Variants in ELAPOR2 observed in about 807,000 individuals in gnomAD.
ELAPOR2 encodes endosome-lysosome associated apoptosis and autophagy regulator family member 2.
In ELAPOR2, 89 loss-of-function variants were observed where a neutral mutation model predicts 120.7. That is an observed-to-expected ratio of 0.74 (90% CI 0.62 to 0.88). The LOEUF (loss-of-function observed/expected upper bound fraction) is 0.88. Ranked by LOEUF, ELAPOR2 falls within the 40% of genes least tolerant of loss-of-function variation. ELAPOR2 has a pLI of 0.00. For synonymous variants in ELAPOR2, 444 were observed against 444.9 expected (o/e 1.00, Z 0.03); for missense variants, 1,134 against 1,251.6 (o/e 0.91, Z 1.42).
At chr7:87,059,105 G>T (rs1795352470) in intron 1 of ELAPOR2, among the ~76,000 whole-genome samples, 1 of 151,708 alleles carries the variant, frequency 6.6e-6, no homozygotes, top group Non-Finnish European at 1.5e-5. Context: ...AGACACAAGC[G>T]CGGACAGAAA....
At chr7:86,900,808 C>T (rs886913675) in intron 18 of ELAPOR2, among the ~76,000 whole-genome samples, 2 of 152,040 alleles carry the variant, frequency 1.3e-5, no homozygotes, top group African/African-American at 2.4e-5. Context: ...ATAATTTGAA[C>T]AGCACTTATT....
rs1447333554 is a variant in ELAPOR2, at chr7:86,907,775, T to C, written c.2457-4A>G. On this transcript the variant is annotated splice_region_variant and splice_polypyrimidine_tract_variant and intron_variant, in intron 17 of 21. Coordinates refer to ENST00000450689, the MANE Select transcript of ELAPOR2 (RefSeq NM_001142749.3). Reference sequence around the variant, plus strand: ...AGATGTTGTTGCTGTAGAAGACCTATTGTAAGCCAAATAACATTTTTAAAA... The same window carrying C: ...AGATGTTGTTGCTGTAGAAGACCTACTGTAAGCCAAATAACATTTTTAAAA... The C allele has an allele frequency of 6.6e-7, 1 of 1,518,438 alleles. No individual in the cohort carries two copies. The highest frequency in any genetic ancestry group is 8.8e-7 in the Non-Finnish European group (1 of 1,135,738). The allele number at this position is 1,518,438 out of a possible 1,614,324, so 94.1% of individuals were successfully genotyped here.
At chr7:86,881,353 C>T (rs566811555) in intron 21 of ELAPOR2, among the ~76,000 whole-genome samples, 6 of 150,538 alleles carry the variant, frequency 4.0e-5, no homozygotes, top group Non-Finnish European at 4.4e-5. Flanking sequence ...CGAGCAAGCA[C>T]GCCCTTTTTT....
intron 1 of ELAPOR2, among the ~76,000 whole-genome samples, chr7:86,967,195 C>G (rs1352533854): frequency 6.6e-6 from 1 of 152,162 alleles, no homozygotes; most frequent in Non-Finnish European, 1.5e-5. Context: ...AGCTGTGCCT[C>G]AGCCCTGTAA....
intron 1 of ELAPOR2, among the ~76,000 whole-genome samples, chr7:87,031,590 A>C (rs575657293): frequency 6.6e-6 from 1 of 152,326 alleles, no homozygotes; most frequent in South Asian, 2.1e-4. Flanking sequence ...ATACTGAATG[A>C]AACAAAGAAT....
At chr7:86,961,078 A>G (rs1299229512) in intron 2 of ELAPOR2, among the ~76,000 whole-genome samples, 1 of 152,188 alleles carries the variant, frequency 6.6e-6, no homozygotes, top group East Asian at 1.9e-4. Context: ...ATACACACAT[A>G]TATACAACAG....
chr7:87,057,790 C>T (rs186334567), intron 1 of ELAPOR2, among the ~76,000 whole-genome samples: 14 of 152,318 alleles, frequency 9.2e-5, no homozygotes, highest in African/African-American at 3.1e-4. Flanking sequence ...CCCTGACCTT[C>T]GCCTACTTCA....
chr7:86,934,673 C>T (rs1409304126), intron 8 of ELAPOR2, among the ~76,000 whole-genome samples: 2 of 151,980 alleles, frequency 1.3e-5, no homozygotes, highest in Non-Finnish European at 1.5e-5. Context: ...AAACTTTTAC[C>T]CAACCCCAAG....
intron 1 of ELAPOR2, among the ~76,000 whole-genome samples, chr7:87,053,933 G>A (rs544482235): frequency 1.8e-3 from 272 of 152,128 alleles, no homozygotes; most frequent in Non-Finnish European, 3.3e-3. Context: ...GAAATTTTCC[G>A]TCACTGTACT....
At chr7:87,039,778 G>A (rs762509815) in intron 1 of ELAPOR2, among the ~76,000 whole-genome samples, 7 of 152,184 alleles carry the variant, frequency 4.6e-5, no homozygotes, top group African/African-American at 7.2e-5. Context: ...CAAGATGGCC[G>A]AATAGGAACA....
At chr7:86,888,228 A>G (rs925243479) in intron 21 of ELAPOR2, among the ~76,000 whole-genome samples, 1 of 152,070 alleles carries the variant, frequency 6.6e-6, no homozygotes, top group Non-Finnish European at 1.5e-5. Context: ...TGTTTCTATA[A>G]AATGCCTTTA....
intron 1 of ELAPOR2, among the ~76,000 whole-genome samples, chr7:87,026,931 A>C (rs1794262254): frequency 1.3e-5 from 2 of 152,124 alleles, no homozygotes; most frequent in Admixed American, 1.3e-4. Context: ...AATTAGCTGA[A>C]AACATTTACT....
chr7:86,897,443 T>C, intron 19 of ELAPOR2, 63 bp downstream of exon 19: 1 of 1,558,454 alleles, frequency 6.4e-7, no homozygotes, highest in Non-Finnish European at 8.7e-7. Context: ...TGAGTTTCTA[T>C]GATTTGATGC....
At chr7:86,957,008 G>A (rs935045077) in intron 2 of ELAPOR2, among the ~76,000 whole-genome samples, 7 of 152,084 alleles carry the variant, frequency 4.6e-5, no homozygotes, top group East Asian at 1.9e-4. Flanking sequence ...AGTTTTGAGG[G>A]CTGAGTTTTC....
intron 1 of ELAPOR2, among the ~76,000 whole-genome samples, chr7:86,974,158 T>C (rs1792196089): frequency 6.6e-6 from 1 of 152,194 alleles, no homozygotes; most frequent in African/African-American, 2.4e-5. Context: ...TAATTATATA[T>C]GGTTACAAAC....
Position 87,059,533 on chromosome 7 carries a change from G to C in ELAPOR2, c.-20C>G. ...CAGCATCTTCGTCCGGCCGCGGTCG[G>C]CGGGCCGGCGGCAAGGCAGCCTTCC... is the stretch of plus-strand genomic sequence containing the variant. On this transcript the variant is annotated 5_prime_UTR_variant, in exon 1 of 22. Transcript: ENST00000450689. 8.5e-7 allele frequency: 1 copy of C among 1,175,744 alleles called. No homozygotes were observed. Among genetic ancestry groups the C allele is most frequent in the Non-Finnish European group, 1.1e-6 (1 of 951,970 alleles). The allele number at this position is 1,175,744 out of a possible 1,614,324, so 72.8% of individuals were successfully genotyped here. A position where few individuals can be genotyped will look rare whatever the true frequency, so the allele number is the denominator to read the frequency against.
intron 21 of ELAPOR2, among the ~76,000 whole-genome samples, chr7:86,884,671 A>G (rs916569074): frequency 6.6e-6 from 1 of 152,144 alleles, no homozygotes; most frequent in Non-Finnish European, 1.5e-5. Context: ...GATAAAAATT[A>G]CAGAGACATG....
chr7:87,043,703 A>T (rs1794856676), intron 1 of ELAPOR2, among the ~76,000 whole-genome samples: 1 of 149,664 alleles, frequency 6.7e-6, no homozygotes, highest in African/African-American at 2.5e-5. Flanking sequence ...AACTGGCACA[A>T]GACAGGGATG....
chr7:87,012,603 T>C (rs930111591), intron 1 of ELAPOR2, among the ~76,000 whole-genome samples: 1 of 152,204 alleles, frequency 6.6e-6, no homozygotes, highest in African/African-American at 2.4e-5. Flanking sequence ...ATCTGTACTT[T>C]CTGTTCACAT....
Sources: gnomAD v4.1 joint callset for allele counts (sites outside exome capture counted in the v4.1 genomes callset) on GRCh38, gnomAD v4.1.1 for gene constraint, MANE v1.5 for transcripts, NCBI Gene and HGNC (gene_info 2026-07-23, HGNC 2026-07-21) for gene names.